Variants in CCL26 observed in about 807,000 individuals in gnomAD.
CCL26 encodes C-C motif chemokine 26.
CCL26 carries 10 observed loss-of-function variants against 10.7 expected under a neutral mutation model. That is an observed-to-expected ratio of 0.93 (90% confidence interval 0.57 to 1.58). CCL26 has a LOEUF of 1.58. CCL26 is among the 40% of genes most tolerant of loss of function. The pLI, the probability that CCL26 is intolerant of heterozygous loss-of-function variation, is 0.00. For missense variants in CCL26, 116 were observed against 111.0 expected (o/e 1.05, Z -0.20); for synonymous variants, 43 against 41.4 (o/e 1.04, Z -0.15).
At chr7:75,775,916 C>T (rs1182257643), upstream of CCL26, among the ~76,000 whole-genome samples, 4 of 150,364 alleles carry the variant, frequency 2.7e-5, no homozygotes, top group African/African-American at 4.9e-5. Flanking sequence ...CATCCTCCCA[C>T]CTCCCAAAGT....
chr7:75,788,982 G>A (rs1459948923), intron 1 of CCL26, among the ~76,000 whole-genome samples: 2 of 151,924 alleles, frequency 1.3e-5, no homozygotes, highest in African/African-American at 4.8e-5. Flanking sequence ...GTGCAGTGAT[G>A]CTGTCATAGC....
chr7:75,790,919 G>A (rs1803316030), upstream of CCL26, among the ~76,000 whole-genome samples: 1 of 151,246 alleles, frequency 6.6e-6, no homozygotes. Context: ...ACTCCGGCCT[G>A]GGCGATAGAG....
upstream of CCL26, among the ~76,000 whole-genome samples, chr7:75,776,068 CTTTTTT>C (rs534170968): frequency 0.3 from 29,686 of 99,560 alleles, 3,065 homozygotes; most frequent in African/African-American, 0.38. Context: ...AGTTCACACT[CTTTTTT>C]TTTTTTTTTT....
chr7:75,780,089 A>C (rs1585013098), intron 1 of CCL26, among the ~76,000 whole-genome samples: 2 of 120,098 alleles, frequency 1.7e-5, no homozygotes, highest in East Asian at 2.5e-4. Context: ...GGGGGCAAGC[A>C]CCTCCCATCC....
upstream of CCL26, among the ~76,000 whole-genome samples, chr7:75,773,463 C>T (rs1802873688): frequency 1.3e-5 from 2 of 151,714 alleles, no homozygotes; most frequent in Non-Finnish European, 2.9e-5. Flanking sequence ...TCTATGTGGC[C>T]CAGGTTGGTC....
intron 1 of CCL26, among the ~76,000 whole-genome samples, chr7:75,780,190 G>T (rs1176511618): frequency 2.0e-5 from 3 of 147,614 alleles, no homozygotes; most frequent in African/African-American, 7.6e-5. Context: ...CCACTTTCCT[G>T]GGGGGCAAGC....
chr7:75,789,131 G>A (rs1174461002), intron 1 of CCL26, among the ~76,000 whole-genome samples: 3 of 143,196 alleles, frequency 2.1e-5, no homozygotes, highest in East Asian at 2.0e-4. Flanking sequence ...TGTGGCGGGC[G>A]GGGGGGTCTC....
upstream of CCL26, among the ~76,000 whole-genome samples, chr7:75,775,434 G>A (rs960799744): frequency 5.3e-5 from 8 of 152,164 alleles, no homozygotes; most frequent in South Asian, 4.1e-4. Context: ...TATTTGGGAG[G>A]TGATTCCACG....
chr7:75,774,773 C>G (rs1264730609), upstream of CCL26, among the ~76,000 whole-genome samples: 1 of 151,744 alleles, frequency 6.6e-6, no homozygotes, highest in Non-Finnish European at 1.5e-5. Context: ...TAAAAATTAA[C>G]TGAGTATGGT....
In CCL26 at chr7:75,769,728, AT is replaced by A; in HGVS notation, c.249del (p.Lys83AsnfsTer6). 1 of 1,613,090 alleles carries A rather than the reference AT, an allele frequency of 6.2e-7. No homozygotes were observed. Among genetic ancestry groups the A allele is most frequent in the Non-Finnish European group, 8.5e-7 (1 of 1,179,084 alleles). On this transcript the variant is annotated frameshift_variant, in exon 3 of 3. Coordinates refer to ENST00000005180, the MANE Select transcript of CCL26 (RefSeq NM_001371938.1). LOFTEE classifies it high-confidence loss of function. ...TTCGGAGTTTTCAGTAAAGAAATGT[AT>A]TTTTGCACCCATTTTTTCCTTGGAT... ...CTHPRKKWVQ[K>X]YISLLKTPKQ...
At chr7:75,777,595 C>A (rs2868166) in intron 1 of CCL26, among the ~76,000 whole-genome samples, 75,116 of 151,108 alleles carry the variant, frequency 0.5, 19,492 homozygotes, top group African/African-American at 0.63. Flanking sequence ...AAAAAGTAAG[C>A]AAAATTATCT....
intron 1 of CCL26, among the ~76,000 whole-genome samples, chr7:75,783,400 C>G (rs1480317734): frequency 1.3e-5 from 2 of 152,166 alleles, no homozygotes; most frequent in Non-Finnish European, 2.9e-5. Flanking sequence ...CAAAATGGAA[C>G]TATCAGGCTG....
chr7:75,772,350 T>C (rs1802843262), upstream of CCL26: 1 of 604,734 alleles, frequency 1.7e-6, no homozygotes, highest in African/African-American at 1.9e-5. Context: ...GGAATGAAAT[T>C]AGACAGTGAA....
chr7:75,786,884 C>T (rs1266036716), intron 1 of CCL26, among the ~76,000 whole-genome samples: 6 of 152,190 alleles, frequency 3.9e-5, no homozygotes, highest in Non-Finnish European at 8.8e-5. Context: ...GCTAGCCCGC[C>T]TCTTAGAAAC....
chr7:75,769,846 G>A, intron 2 of CCL26, 57 bp from the exon 3 acceptor site: 1 of 1,077,626 alleles, frequency 9.3e-7, no homozygotes, highest in South Asian at 1.3e-5. Context: ...CCTGGGGTGG[G>A]ATAGAAAGGG....
At chr7:75,772,395 G>A, upstream of CCL26, 1 of 552,244 alleles carries the variant, frequency 1.8e-6, no homozygotes, top group Non-Finnish European at 3.2e-6. Context: ...GGTGGCTCAT[G>A]CCTGTGATCA....
intron 1 of CCL26, among the ~76,000 whole-genome samples, chr7:75,786,474 A>G (rs1248859722): frequency 6.6e-6 from 1 of 152,134 alleles, no homozygotes; most frequent in Non-Finnish European, 1.5e-5. Context: ...TACTGACCCC[A>G]TATCCTGCGC....
intron 1 of CCL26, among the ~76,000 whole-genome samples, chr7:75,785,655 C>T (rs188961069): frequency 4.6e-5 from 7 of 152,308 alleles, no homozygotes; most frequent in Admixed American, 4.6e-4. Flanking sequence ...CCTTTGGATA[C>T]CTGGTTTTGC....
chr7:75,776,514 AAGG>A (rs1186360791), upstream of CCL26, among the ~76,000 whole-genome samples: 3 of 252 alleles, frequency 0.012, no homozygotes, highest in African/African-American at 0.026. Flanking sequence ...GCACTCCAAA[AAGG>A]AAGGAAGGAA....
Sources: gnomAD v4.1 joint callset for allele counts (sites outside exome capture counted in the v4.1 genomes callset) on GRCh38, gnomAD v4.1.1 for gene constraint, MANE v1.5 for transcripts, NCBI Gene and HGNC (gene_info 2026-07-23, HGNC 2026-07-21) for gene names.